Variants in KIAA0825 observed in about 807,000 individuals in gnomAD.
KIAA0825 encodes uncharacterized protein KIAA0825.
KIAA0825 carries 119 observed loss-of-function variants against 147.6 expected under a neutral mutation model. That is an observed-to-expected ratio of 0.81 (90% CI 0.69 to 0.94). The LOEUF (loss-of-function observed/expected upper bound fraction) is 0.94. Among genes scored for constraint, KIAA0825 ranks in the 40% least tolerant of loss-of-function variants. The pLI is 0.00. For synonymous variants in KIAA0825, 470 were observed against 518.1 expected, an observed-to-expected ratio of 0.91 and a Z score of 1.26; for missense variants, 1,381 against 1,472.7, an observed-to-expected ratio of 0.94 and a Z score of 1.02.
chr5:94,572,603 T>C (rs1195988317), intron 2 of KIAA0825, among the ~76,000 whole-genome samples: 5 of 152,162 alleles, frequency 3.3e-5, no homozygotes, highest in African/African-American at 9.7e-5. Context: ...TAATCTACCT[T>C]TCTATGGCAT....
intron 20 of KIAA0825, among the ~76,000 whole-genome samples, chr5:94,365,918 A>G (rs1745784323): frequency 6.6e-6 from 1 of 152,216 alleles, no homozygotes; most frequent in African/African-American, 2.4e-5. Context: ...ATCTAAGATC[A>G]GTGCTTGAGA....
chr5:94,477,666 C>A (rs183592879), intron 6 of KIAA0825, among the ~76,000 whole-genome samples: 2 of 152,110 alleles, frequency 1.3e-5, no homozygotes, highest in Admixed American at 1.3e-4. Flanking sequence ...AAGAAAAATA[C>A]ATAAACATCA....
chr5:94,244,279 A>G (rs567590434), intron 20 of KIAA0825, among the ~76,000 whole-genome samples: 50 of 152,266 alleles, frequency 3.3e-4, no homozygotes, highest in African/African-American at 1.2e-3. Flanking sequence ...AAGCAGAATT[A>G]TGTTGTGTGA....
intron 20 of KIAA0825, among the ~76,000 whole-genome samples, chr5:94,380,666 C>T (rs888702752): frequency 6.6e-6 from 1 of 152,224 alleles, no homozygotes; most frequent in Non-Finnish European, 1.5e-5. Flanking sequence ...AAAGTCTCCT[C>T]AGGAGGTAAC....
chr5:94,368,258 G>A (rs1746146507), intron 20 of KIAA0825, among the ~76,000 whole-genome samples: 2 of 152,152 alleles, frequency 1.3e-5, no homozygotes, highest in African/African-American at 4.8e-5. Context: ...CTACAGTCCC[G>A]ACTTTCTGGG....
At chr5:94,470,451 T>C (rs1164607012) in intron 9 of KIAA0825, among the ~76,000 whole-genome samples, 1 of 152,160 alleles carries the variant, frequency 6.6e-6, no homozygotes, top group African/African-American at 2.4e-5. Context: ...TAGGTTATTG[T>C]TTTTACTAGA....
intron 20 of KIAA0825, among the ~76,000 whole-genome samples, chr5:94,203,953 T>C (rs1771924209): frequency 6.6e-6 from 1 of 152,172 alleles, no homozygotes; most frequent in Admixed American, 6.5e-5. Flanking sequence ...AACCCCATTA[T>C]AGCTACGCAA....
chr5:94,613,443 C>T (rs965760072), intron 1 of KIAA0825, among the ~76,000 whole-genome samples: 8 of 152,168 alleles, frequency 5.3e-5, no homozygotes, highest in Non-Finnish European at 5.9e-5. Context: ...AAGAGATCCG[C>T]CCGCATTGGC....
chr5:94,522,865 C>T (rs1006855189), intron 4 of KIAA0825, among the ~76,000 whole-genome samples: 1 of 151,502 alleles, frequency 6.6e-6, no homozygotes, highest in Non-Finnish European at 1.5e-5. Context: ...TAATTAAAAG[C>T]GTTTGCTTTT....
At chr5:94,290,085 CAGAT>C (rs1777821006) in intron 20 of KIAA0825, among the ~76,000 whole-genome samples, 1 of 151,972 alleles carries the variant, frequency 6.6e-6, no homozygotes, top group Non-Finnish European at 1.5e-5. Flanking sequence ...TAGCACATCA[CAGAT>C]AGGGAGATGG....
chr5:94,371,922 C>A (rs1746770345), intron 20 of KIAA0825, among the ~76,000 whole-genome samples: 1 of 152,214 alleles, frequency 6.6e-6, no homozygotes, highest in African/African-American at 2.4e-5. Flanking sequence ...AAGTTGGTTA[C>A]TTCCTAGATA....
At chr5:94,384,537 T>C in intron 19 of KIAA0825, 79 bp from the exon 20 acceptor site, 1 of 1,136,862 alleles carries the variant, frequency 8.8e-7, no homozygotes, top group Non-Finnish European at 1.3e-6. Context: ...AAGCTCCAGC[T>C]GTGATAGACT....
At chr5:94,310,112 T>C (rs936138388) in intron 20 of KIAA0825, among the ~76,000 whole-genome samples, 5 of 151,730 alleles carry the variant, frequency 3.3e-5, no homozygotes, top group African/African-American at 1.2e-4. Context: ...TGGCCACATA[T>C]ACTAAGTTAA....
At chr5:94,194,945 C>T (rs1256215523) in intron 20 of KIAA0825, among the ~76,000 whole-genome samples, 1 of 152,136 alleles carries the variant, frequency 6.6e-6, no homozygotes, top group African/African-American at 2.4e-5. Context: ...GGGGTACTGT[C>T]CATACATCAT....
intron 20 of KIAA0825, among the ~76,000 whole-genome samples, chr5:94,375,386 G>A (rs567437399): frequency 2.0e-5 from 3 of 151,936 alleles, no homozygotes; most frequent in Non-Finnish European, 4.4e-5. Flanking sequence ...TTATATTTGT[G>A]TTGTATAATC....
At chr5:94,480,560 G>T (rs1762381589) in intron 6 of KIAA0825, among the ~76,000 whole-genome samples, 2 of 151,836 alleles carry the variant, frequency 1.3e-5, no homozygotes, top group Non-Finnish European at 2.9e-5. Flanking sequence ...TCTGTTTCTG[G>T]AAGTAACTGT....
chr5:94,550,823 C>G (rs953301856), intron 2 of KIAA0825, among the ~76,000 whole-genome samples: 7 of 143,904 alleles, frequency 4.9e-5, no homozygotes, highest in Non-Finnish European at 6.0e-5. Context: ...GCCTGGGCGA[C>G]AGAGCGAGAC....
intron 14 of KIAA0825, among the ~76,000 whole-genome samples, chr5:94,423,792 G>A (rs879945459): frequency 6.6e-5 from 10 of 152,104 alleles, no homozygotes; most frequent in Non-Finnish European, 1.5e-4. Context: ...CATGTAAAAT[G>A]AGGATTTAAA....
chr5:94,268,398 G>A (rs1776831202), intron 20 of KIAA0825, among the ~76,000 whole-genome samples: 1 of 152,058 alleles, frequency 6.6e-6, no homozygotes, highest in South Asian at 2.1e-4. Context: ...ATGGTGAAGT[G>A]GGGCAACTGC....
Sources: gnomAD v4.1 joint callset for allele counts (sites outside exome capture counted in the v4.1 genomes callset) on GRCh38, gnomAD v4.1.1 for gene constraint, MANE v1.5 for transcripts, NCBI Gene and HGNC (gene_info 2026-07-23, HGNC 2026-07-21) for gene names.